Variants in EML1 observed in about 807,000 individuals in gnomAD.
The protein encoded by EML1 is EMAP like 1.
A neutral mutation model predicts 110.4 loss-of-function variants in EML1; 27 were observed. The observed-to-expected ratio is 0.24, with a 90% CI of 0.18 to 0.34. The LOEUF is 0.34. Among genes scored for constraint, EML1 ranks in the 10% least tolerant of loss-of-function variants. The probability of loss-of-function intolerance (pLI) is 1.00; values close to 1 mark genes in which losing one functional copy is unlikely to be tolerated. For missense variants in EML1, 741 were observed against 1,030.9 expected (o/e 0.72, Z 3.85); for synonymous variants, 344 against 385.8 (o/e 0.89, Z 1.27).
upstream of EML1, among the ~76,000 whole-genome samples, chr14:99,770,225 G>A (rs145976635): frequency 4.7e-3 from 716 of 152,316 alleles, 6 homozygotes; most frequent in Non-Finnish European, 6.8e-3. Context: ...AGTTCTGGAG[G>A]CTGGGAAGTC....
chr14:99,887,140 C>G (rs1293513607), intron 4 of EML1, among the ~76,000 whole-genome samples: 1 of 152,178 alleles, frequency 6.6e-6, no homozygotes, highest in African/African-American at 2.4e-5. Context: ...TGCCATCTCC[C>G]CATACAGCTG....
At position 99,753,196 on chromosome 14, in the gene EML1, G is replaced by GCCCC. The variant is rs1183572459; in HGVS notation, c.28+15340_28+15343dup. Among the ~76,000 whole-genome samples, 411 of 81,882 alleles carry GCCCC rather than the reference G, an allele frequency of 5.0e-3. 10 individuals are homozygous for GCCCC. Among genetic ancestry groups the GCCCC allele is most frequent in the African/African-American group, 0.022 (398 of 18,218 alleles). 53.7% of individuals were successfully genotyped at this position (81,882 alleles called of 152,430 possible). ...CCCCACCCCCCTACCCGCACCCCCC[G>GCCCC]CCCCCCCGCCGCCCCCCCACCCCCC... On this transcript the variant is annotated intron_variant, in intron 1 of 10. Coordinates refer to the EML1 transcript ENST00000554479.
At chr14:99,893,183 C>T (rs2059616896) in intron 5 of EML1, among the ~76,000 whole-genome samples, 1 of 152,150 alleles carries the variant, frequency 6.6e-6, no homozygotes, top group African/African-American at 2.4e-5. Flanking sequence ...GCGGTGAGAG[C>T]CTGGCAGGGC....
At chr14:99,814,187 G>A (rs950487065) in intron 1 of EML1, among the ~76,000 whole-genome samples, 17 of 152,166 alleles carry the variant, frequency 1.1e-4, no homozygotes, top group African/African-American at 2.9e-4. Flanking sequence ...AAAGGACCTC[G>A]GAAGATTCAG....
At chr14:99,747,182 C>T (rs1363392765) in intron 1 of EML1, among the ~76,000 whole-genome samples, 19 of 85,912 alleles carry the variant, frequency 2.2e-4, no homozygotes, top group African/African-American at 3.9e-4. Context: ...AGCTAGACCC[C>T]GTCTCAAAAA....
At chr14:99,796,635 G>A (rs2057780095) in intron 1 of EML1, among the ~76,000 whole-genome samples, 1 of 151,090 alleles carries the variant, frequency 6.6e-6, no homozygotes, top group Admixed American at 6.6e-5. Context: ...GACTACAGGT[G>A]CGTGCTATCA....
At position 99,939,259 on chromosome 14, in the gene EML1, A is replaced by G. The variant is rs1367881543; in HGVS notation, c.2254A>G (p.Lys752Glu). ...TGCCGTCTGTCGGGCCCATGAGAAG[A>G]AACTCCTGTCAACAGGCGACGACTT... ...INAVCRAHEK[K>E]LLSTGDDFGK... The change falls in exon 21 of 22, where the codon AAA becomes GAA. Residue 752 changes from lysine to glutamate, a missense_variant. Lys to Glu is a moderately conservative substitution (Grantham distance 56). Around this residue, in one of 4 missense-constraint regions of EML1, gnomAD observed 114 missense variants for 122.5 expected, o/e 0.93. Coordinates refer to ENST00000262233, the MANE Select transcript of EML1 (RefSeq NM_004434.3). This position sits in a 1 kb window ranked among gnomAD's most constrained non-coding sequence, Gnocchi z 4.2. The G allele has an allele frequency of 6.2e-7, 1 of 1,614,152 alleles. No individual in the cohort carries two copies. The highest frequency in any genetic ancestry group is 1.1e-5 in the South Asian group (1 of 91,082).
In EML1 at chr14:99,907,831, C is replaced by A. The variant is rs1377558075; in HGVS notation, c.1104+98C>A. The stretch of plus-strand genomic sequence containing the variant: ...CCCTTTCAGCGGGCTCATTCCCACC[C>A]CAGCCCTTGTGTATGACGCCTTCAC... On this transcript the variant is annotated intron_variant, in intron 10 of 21. Coordinates refer to ENST00000262233, the MANE Select transcript of EML1 (RefSeq NM_004434.3). The A allele has an allele frequency of 6.2e-6, 7 of 1,120,492 alleles. No individual in the cohort carries two copies. In the Admixed American group the frequency reaches 1.1e-4, roughly 17 times the overall value. 69.4% of individuals were successfully genotyped at this position (1,120,492 alleles called of 1,614,324 possible).
intron 2 of EML1, among the ~76,000 whole-genome samples, chr14:99,859,762 GGGTT>G (rs2058969578): frequency 6.6e-6 from 1 of 152,180 alleles, no homozygotes; most frequent in Non-Finnish European, 1.5e-5. Context: ...TGCAGCCCAT[GGGTT>G]CTCACTGGCT....
At chr14:99,937,454 T>C (rs1330240018) in intron 19 of EML1, among the ~76,000 whole-genome samples, 2 of 150,946 alleles carry the variant, frequency 1.3e-5, no homozygotes, top group Non-Finnish European at 3.0e-5. Context: ...CTGAGGGGTA[T>C]AGGGAGGCGA....
upstream of EML1, chr14:99,793,191 G>C (rs921847764): frequency 6.2e-6 from 2 of 322,488 alleles, no homozygotes; most frequent in South Asian, 2.4e-4. Flanking sequence ...CGCGGGGAAA[G>C]AGGCCGCAGG....
At chr14:99,873,681 A>C (rs1278440225) in intron 3 of EML1, among the ~76,000 whole-genome samples, 1 of 152,268 alleles carries the variant, frequency 6.6e-6, no homozygotes, top group East Asian at 1.9e-4. Context: ...GAATTCTCTA[A>C]GATTCTCCCA....
At chr14:99,737,941 C>G in intron 1 of EML1, 1 of 1,256,892 alleles carries the variant, frequency 8.0e-7, no homozygotes, top group South Asian at 1.3e-5. Context: ...ACTGGGGCCC[C>G]CGCAGGCTGC....
chr14:99,932,986 C>T (rs963244276), intron 17 of EML1, among the ~76,000 whole-genome samples: 7 of 152,102 alleles, frequency 4.6e-5, no homozygotes, highest in Non-Finnish European at 7.4e-5. Context: ...GGCATAGTAG[C>T]GCACATCTGT....
chr14:99,931,990 T>C (rs1033301785), intron 17 of EML1, among the ~76,000 whole-genome samples: 4 of 152,180 alleles, frequency 2.6e-5, no homozygotes, highest in African/African-American at 9.6e-5. Context: ...ACGTTTCTCC[T>C]GGTTCTGCCT....
At chr14:99,792,117 C>A (rs1045845395), upstream of EML1, among the ~76,000 whole-genome samples, 1 of 152,228 alleles carries the variant, frequency 6.6e-6, no homozygotes, top group Admixed American at 6.5e-5. Context: ...ACTAACCGTG[C>A]CGCACGCAGA....
intron 3 of EML1, among the ~76,000 whole-genome samples, chr14:99,866,801 A>C (rs1014527393): frequency 3.3e-5 from 5 of 152,116 alleles, no homozygotes; most frequent in African/African-American, 1.2e-4. Context: ...GGATCATCTA[A>C]GTAGTGCTTG....
intron 15 of EML1, 195 bp downstream of exon 15, chr14:99,914,892 T>A: frequency 1.4e-6 from 1 of 702,020 alleles, no homozygotes; most frequent in Non-Finnish European, 2.2e-6. Context: ...CTCAGCCATG[T>A]AATTTTGAAG....
chr14:99,833,226 T>A (rs1334324155), intron 1 of EML1, among the ~76,000 whole-genome samples: 1 of 152,254 alleles, frequency 6.6e-6, no homozygotes, highest in Admixed American at 6.5e-5. Flanking sequence ...TGTGTGGGTA[T>A]GGATATGCAA....
Sources: allele counts gnomAD v4.1 joint callset (sites outside exome capture counted in the v4.1 genomes callset), GRCh38; gene constraint gnomAD v4.1.1; regional missense constraint gnomAD v4.1.1; non-coding constraint Gnocchi (gnomAD v3.1); transcripts MANE v1.5; gene names NCBI Gene and HGNC (gene_info 2026-07-23, HGNC 2026-07-21).